ATXN1: variants seen among roughly 807,000 people sequenced by gnomAD.
ATXN1 encodes ataxin 1.
In ATXN1, 8 loss-of-function variants were observed where a neutral mutation model predicts 56.4. The ratio of observed to expected loss-of-function variants is 0.14; its 90% CI spans 0.08 to 0.26. The LOEUF is 0.26. ATXN1 is among the 10% of genes least tolerant of loss of function. ATXN1 has a pLI of 1.00. For missense variants in ATXN1, 987 were observed against 1,106.5 expected, an observed-to-expected ratio of 0.89 and a Z score of 1.53; for synonymous variants, 514 against 494.6, an observed-to-expected ratio of 1.04 and a Z score of -0.52.
rs202004053 is a variant in ATXN1 at position 16,546,674 on chromosome 6, AG to A, written c.-360-23987del. Among the ~76,000 whole-genome samples, 887 of 152,342 alleles carry A rather than the reference AG, an allele frequency of 5.8e-3. 7 individuals carry two copies. Among genetic ancestry groups the A allele is most frequent in the African/African-American group, 0.02 (835 of 41,578 alleles). On this transcript the variant is annotated intron_variant, in intron 4 of 7. Coordinates refer to ENST00000436367, the MANE Select transcript of ATXN1 (RefSeq NM_001128164.2). ...AATTACTTCTGACATACTTATAAAA[AG>A]GGTTGACTTTCAACTTGTAACAGTT... is the stretch of plus-strand genomic sequence containing the variant.
At chr6:16,748,676 A>G (rs1760614644) in intron 2 of ATXN1, among the ~76,000 whole-genome samples, 1 of 152,226 alleles carries the variant, frequency 6.6e-6, no homozygotes, top group African/African-American at 2.4e-5. Flanking sequence ...CTCATACATT[A>G]GATGCTCATT....
At chr6:16,641,424 C>A (rs1763703746) in intron 3 of ATXN1, among the ~76,000 whole-genome samples, 1 of 152,206 alleles carries the variant, frequency 6.6e-6, no homozygotes, top group Admixed American at 6.5e-5. Flanking sequence ...ATTTACCATT[C>A]CAAAAATCCT....
At chr6:16,604,494 G>A (rs1762967263) in intron 3 of ATXN1, among the ~76,000 whole-genome samples, 1 of 151,102 alleles carries the variant, frequency 6.6e-6, no homozygotes, top group Non-Finnish European at 1.5e-5. Context: ...GAGAGACCCT[G>A]TATCTAAAAA....
chr6:16,447,669 C>T lies in ATXN1; in HGVS notation c.-161+38303G>A, dbSNP rs141756630. Among the ~76,000 whole-genome samples the T allele has an allele frequency of 9.9e-5, 15 of 152,052 alleles. No individual in the cohort carries two copies. In the East Asian group the frequency reaches 1.7e-3, roughly 18 times the overall value. ...ACTGCGCCTGGCCTAATAGCAAAGG[C>T]GCTGATAAAAAAAATAGGAGAGCAG... On this transcript the variant is annotated intron_variant, in intron 6 of 7. Transcript: ENST00000436367.
chr6:16,605,076 G>A lies in ATXN1; in HGVS notation c.-488-19169C>T, dbSNP rs1390077147. ...GGACTGAGGAACAATAAAAAGTGTT[G>A]CAATGGTGTAAAAGTAATACAAATT... On this transcript the variant is annotated intron_variant, in intron 3 of 7. Coordinates refer to ENST00000436367, the MANE Select transcript of ATXN1 (RefSeq NM_001128164.2). 3.3e-5 allele frequency among the ~76,000 whole-genome samples: 5 copies of A among 152,280 alleles called. No individual in the cohort carries two copies. In the East Asian group the frequency reaches 7.7e-4, roughly 23 times the overall value.
intron 6 of ATXN1, among the ~76,000 whole-genome samples, chr6:16,431,142 G>A (rs1161168429): frequency 6.6e-6 from 1 of 152,044 alleles, no homozygotes; most frequent in African/African-American, 2.4e-5. Flanking sequence ...AAATGGGTGT[G>A]GGGGTAGGAG....
At chr6:16,526,880 T>C (rs571641933) in intron 4 of ATXN1, among the ~76,000 whole-genome samples, 1 of 152,150 alleles carries the variant, frequency 6.6e-6, no homozygotes, top group South Asian at 2.1e-4. Context: ...ATTAAATCGC[T>C]AAGTCTGAAG....
At position 16,666,194 on chromosome 6, in the gene ATXN1, G is replaced by A. The variant is rs551609635; in HGVS notation, c.-614-8293C>T. On this transcript the variant is annotated intron_variant, in intron 2 of 7. Transcript: ENST00000436367. ...TCATTCTACTCTCTGTCTCCATGAC[G>A]TCATGTTTCTTAGCTCCCTCATATG... Among the ~76,000 whole-genome samples, 12 of 152,022 alleles carry A rather than the reference G, an allele frequency of 7.9e-5. No homozygotes were observed. In the South Asian group the frequency reaches 1.5e-3, roughly 18 times the overall value.
chr6:16,338,039 ATATTAT>A (rs1032855872), intron 6 of ATXN1, among the ~76,000 whole-genome samples: 8 of 152,194 alleles, frequency 5.3e-5, no homozygotes, highest in African/African-American at 1.7e-4. Flanking sequence ...ATAAATATTA[ATATTAT>A]TATTACTAAC....
chr6:16,749,176 A>G (rs1324407405), intron 2 of ATXN1, among the ~76,000 whole-genome samples: 1 of 152,186 alleles, frequency 6.6e-6, no homozygotes, highest in Admixed American at 6.5e-5. Context: ...TACAAAACAC[A>G]CCCAAATTAA....
rs1301373115 is a variant in ATXN1 at position 16,326,358 on chromosome 6, G to A, written c.1917+36C>T. On this transcript the variant is annotated intron_variant, in intron 7 of 7. Coordinates refer to ENST00000436367, the MANE Select transcript of ATXN1 (RefSeq NM_001128164.2). This position sits in a 1 kb window ranked among gnomAD's most constrained non-coding sequence, Gnocchi z 6.6. ...GGAGATGATGATGGCATCACGGTGT[G>A]GTGTCCCATCCCTGTGCCACCCTGG... The A allele has an allele frequency of 1.9e-6, 3 of 1,606,200 alleles. No homozygotes were observed. Among genetic ancestry groups the A allele is most frequent in the Non-Finnish European group, 2.5e-6 (3 of 1,176,510 alleles).
intron 6 of ATXN1, among the ~76,000 whole-genome samples, chr6:16,447,771 A>G (rs1002904954): frequency 6.6e-6 from 1 of 152,238 alleles, no homozygotes; most frequent in Non-Finnish European, 1.5e-5. Flanking sequence ...TAGGATTTCT[A>G]ATTTAATCTT....
intron 3 of ATXN1, among the ~76,000 whole-genome samples, chr6:16,648,909 G>A (rs1013366124): frequency 6.6e-6 from 1 of 151,878 alleles, no homozygotes; most frequent in Non-Finnish European, 1.5e-5. Flanking sequence ...ACAACTTATT[G>A]ACTCTAAAGC....
intron 6 of ATXN1, among the ~76,000 whole-genome samples, chr6:16,406,707 T>C (rs1282385699): frequency 6.6e-6 from 1 of 152,264 alleles, no homozygotes; most frequent in Non-Finnish European, 1.5e-5. Flanking sequence ...TCATAGCCTG[T>C]TCCTCTTCCT....
rs138990326 is a variant in ATXN1 at position 16,300,491 on chromosome 6, A to T, written c.*5838T>A. The stretch of plus-strand genomic sequence containing the variant: ...ATATCCCCACAGCTGTCCAGTTTCC[A>T]CTGTCCGGCTTGATTTTTGGACAGG... On this transcript the variant is annotated 3_prime_UTR_variant, in exon 8 of 8. Coordinates refer to ENST00000436367, the MANE Select transcript of ATXN1 (RefSeq NM_001128164.2). The T allele has an allele frequency of 2.6e-5, 4 of 152,464 alleles. No individual in the cohort carries two copies. In the East Asian group the frequency reaches 7.7e-4, roughly 29 times the overall value. The allele number at this position is 152,464 out of a possible 1,614,324, so 9.4% of individuals were successfully genotyped here.
At chr6:16,484,475 T>A (rs1760501094) in intron 6 of ATXN1, among the ~76,000 whole-genome samples, 1 of 152,062 alleles carries the variant, frequency 6.6e-6, no homozygotes, top group African/African-American at 2.4e-5. Context: ...TATGAAGCAA[T>A]ACACAGACTT....
chr6:16,306,476 C>G lies in ATXN1; in HGVS notation c.2301G>C (p.Ala767=), dbSNP rs1344627173. Residue 767 remains alanine, a synonymous_variant, in exon 8 of 8, where the codon GCG becomes GCC. Transcript: ENST00000436367. This position sits in a 1 kb window ranked among gnomAD's most constrained non-coding sequence, Gnocchi z 5.2. The part of the protein sequence containing the change: ...FLTKIEPSKP[A]ATRKRRWSAP... ...CCGACCACCTCCTCTTCCTCGTTGC[C>G]GCGGGCTTGCTGGGTTCTATTTTGG... The G allele has an allele frequency of 6.2e-7, 1 of 1,614,178 alleles. No individual in the cohort carries two copies. Among genetic ancestry groups the G allele is most frequent in the South Asian group, 1.1e-5 (1 of 91,078 alleles).
chr6:16,460,030 C>T (rs1026979123), intron 6 of ATXN1, among the ~76,000 whole-genome samples: 2 of 152,152 alleles, frequency 1.3e-5, no homozygotes, highest in African/African-American at 4.8e-5. Context: ...TGCCCTAACA[C>T]ATTAAAACAG....
chr6:16,600,061 C>A (rs1172106708), intron 3 of ATXN1, among the ~76,000 whole-genome samples: 1 of 152,158 alleles, frequency 6.6e-6, no homozygotes, highest in Non-Finnish European at 1.5e-5. Flanking sequence ...TTATATAATT[C>A]TTGGCCATTG....
Sources: gnomAD v4.1 joint callset for allele counts (sites outside exome capture counted in the v4.1 genomes callset) on GRCh38, gnomAD v4.1.1 for gene constraint, Gnocchi (gnomAD v3.1) non-coding constraint, MANE v1.5 for transcripts, NCBI Gene and HGNC (gene_info 2026-07-23, HGNC 2026-07-21) for gene names.